The following ZNF385C variants were observed in gnomAD, a reference collection of about 807,000 sequenced individuals.
ZNF385C encodes zinc finger protein 385C, also known as CTD-2132N18.2.
A neutral mutation model predicts 35.4 loss-of-function variants in ZNF385C; 28 were observed. The ratio of observed to expected loss-of-function variants is 0.79; its 90% CI spans 0.59 to 1.08. ZNF385C has a LOEUF of 1.08. ZNF385C is among the 50% of genes least tolerant of loss of function. The pLI, the probability that ZNF385C is intolerant of heterozygous loss-of-function variation, is 0.00. For synonymous variants in ZNF385C, 248 were observed against 248.2 expected (o/e 1.00, Z 0.01); for missense variants, 605 against 595.6 (o/e 1.02, Z -0.16).
At chr17:42,038,656 C>T (rs1430154145) in intron 2 of ZNF385C, 1 of 151,788 alleles carries the variant, frequency 6.6e-6, no homozygotes, top group Non-Finnish European at 1.5e-5. Flanking sequence ...TCGACCCTGT[C>T]ATTGCAAAAC....
At chr17:42,070,032 T>G (rs1296536888) in intron 1 of ZNF385C, among the ~76,000 whole-genome samples, 4 of 136,288 alleles carry the variant, frequency 2.9e-5, no homozygotes, top group African/African-American at 1.1e-4. Context: ...ACAATGAAAC[T>G]CCGTCTCAAA....
At chr17:42,069,289 G>A (rs202029961) in intron 1 of ZNF385C, among the ~76,000 whole-genome samples, 3 of 151,930 alleles carry the variant, frequency 2.0e-5, no homozygotes, top group Admixed American at 6.6e-5. Flanking sequence ...GGGGGAGCAC[G>A]CAGGCAGGGC....
intron 2 of ZNF385C, chr17:42,039,650 G>A: frequency 8.2e-7 from 1 of 1,223,918 alleles, no homozygotes; most frequent in Middle Eastern, 3.1e-4. Context: ...GTCTAGGTTG[G>A]CCCTTACAGT....
At chr17:42,084,487 A>C (rs1295824320) in intron 1 of ZNF385C, among the ~76,000 whole-genome samples, 1 of 152,222 alleles carries the variant, frequency 6.6e-6, no homozygotes, top group Non-Finnish European at 1.5e-5. Context: ...TAGACATATA[A>C]AAGACATCGT....
chr17:42,088,048 T>C (rs1262875447), intron 1 of ZNF385C, among the ~76,000 whole-genome samples: 1 of 152,260 alleles, frequency 6.6e-6, no homozygotes, highest in African/African-American at 2.4e-5. Flanking sequence ...TTAATTTTTT[T>C]TTTAATCGAC....
chr17:42,056,380 C>A (rs782468692), intron 2 of ZNF385C, among the ~76,000 whole-genome samples: 1 of 152,226 alleles, frequency 6.6e-6, no homozygotes, highest in Non-Finnish European at 1.5e-5. Context: ...CATACTCCTC[C>A]CCATTCTCAA....
At chr17:42,096,848 A>G (rs2053922453) in intron 1 of ZNF385C, among the ~76,000 whole-genome samples, 1 of 151,690 alleles carries the variant, frequency 6.6e-6, no homozygotes, top group African/African-American at 2.4e-5. Flanking sequence ...CAAGGTGACT[A>G]AAAGAGGAGG....
chr17:42,090,183 T>G (rs1337505187), intron 1 of ZNF385C, among the ~76,000 whole-genome samples: 1 of 151,604 alleles, frequency 6.6e-6, no homozygotes, highest in Non-Finnish European at 1.5e-5. Flanking sequence ...CTCCTCCTTC[T>G]CATGGCTGAT....
intron 2 of ZNF385C, among the ~76,000 whole-genome samples, chr17:42,054,350 G>A (rs1258723029): frequency 6.6e-6 from 1 of 152,186 alleles, no homozygotes; most frequent in African/African-American, 2.4e-5. Flanking sequence ...TTCCTGCCCA[G>A]CCTCACTCAT....
chr17:42,065,132 G>C (rs1283303148), intron 1 of ZNF385C: 1 of 152,218 alleles, frequency 6.6e-6, no homozygotes, highest in Non-Finnish European at 1.5e-5. Flanking sequence ...GATTTCAGGT[G>C]TGAGCCACCG....
At chr17:42,066,183 C>A (rs2053543845) in intron 1 of ZNF385C, among the ~76,000 whole-genome samples, 1 of 152,120 alleles carries the variant, frequency 6.6e-6, no homozygotes, top group African/African-American at 2.4e-5. Flanking sequence ...CCTCAGCCTC[C>A]CGAGTAGCTG....
In ZNF385C at chr17:42,028,889, C is replaced by G. The variant is rs1481260529; in HGVS notation, c.861G>C (p.Val287=). ...APGPEPAAAA[V]GSSMSGEGRS... ...TGCCTTCCCCACTCATGCTGCTTCC[C>G]ACGGCAGCTGCCGCTGGCTCAGGCC... The change falls in exon 6 of 9, where the codon GTG becomes GTC. Residue 287 remains valine, a synonymous_variant. Transcript: ENST00000692273. 7.1e-6 allele frequency: 11 copies of G among 1,550,482 alleles called. No homozygotes were observed. Among genetic ancestry groups the G allele is most frequent in the Non-Finnish European group, 9.6e-6 (11 of 1,147,010 alleles).
At chr17:42,029,822 C>T (rs1311064449) in intron 5 of ZNF385C, among the ~76,000 whole-genome samples, 1 of 151,382 alleles carries the variant, frequency 6.6e-6, no homozygotes, top group Non-Finnish European at 1.5e-5. Context: ...TCACTTGAGT[C>T]CAGGACTTCG....
intron 2 of ZNF385C, chr17:42,043,420 T>G (rs962601480): frequency 1.3e-5 from 16 of 1,229,608 alleles, no homozygotes; most frequent in Non-Finnish European, 1.5e-5. Context: ...ACCTGAATGC[T>G]CTTGCCCCCC....
chr17:42,068,407 C>G (rs917231288), intron 1 of ZNF385C, among the ~76,000 whole-genome samples: 2 of 151,982 alleles, frequency 1.3e-5, no homozygotes, highest in African/African-American at 4.8e-5. Flanking sequence ...AGAGGCTTCC[C>G]TGTCTTTCTC....
intron 3 of ZNF385C, among the ~76,000 whole-genome samples, 168 bp downstream of exon 3, chr17:42,037,569 G>T (rs1446423382): frequency 1.3e-5 from 2 of 152,080 alleles, no homozygotes; most frequent in African/African-American, 2.4e-5. Flanking sequence ...CCTCTCTTAG[G>T]ATCCCAAATA....
At chr17:42,040,211 C>G (rs1277643823) in intron 2 of ZNF385C, 1 of 1,231,584 alleles carries the variant, frequency 8.1e-7, no homozygotes, top group Middle Eastern at 3.1e-4. Context: ...AGCGAAGGCC[C>G]GGGGTAGGAG....
At chr17:42,037,176 C>T (rs2052874578) in intron 3 of ZNF385C, among the ~76,000 whole-genome samples, 1 of 152,050 alleles carries the variant, frequency 6.6e-6, no homozygotes, top group Admixed American at 6.6e-5. Context: ...AACACGCATG[C>T]TCAGAGGGCA....
intron 1 of ZNF385C, among the ~76,000 whole-genome samples, chr17:42,067,310 C>T (rs782295617): frequency 1.2e-4 from 18 of 152,136 alleles, no homozygotes; most frequent in Non-Finnish European, 2.6e-4. Context: ...TAAGTGCCAC[C>T]CAGCCTGTGG....
Sources: allele counts gnomAD v4.1 joint callset (sites outside exome capture counted in the v4.1 genomes callset), GRCh38; gene constraint gnomAD v4.1.1; transcripts MANE v1.5; gene names NCBI Gene and HGNC (gene_info 2026-07-23, HGNC 2026-07-21).